TRIM44: variants seen among roughly 807,000 people sequenced by gnomAD.
TRIM44 encodes tripartite motif containing 44, also known as tripartite motif-containing protein 44.
TRIM44 carries 13 observed loss-of-function variants against 37.4 expected under a neutral mutation model. The observed-to-expected ratio is 0.35, with a 90% confidence interval of 0.23 to 0.55. The LOEUF (loss-of-function observed/expected upper bound fraction) is 0.55, where lower values mean the gene tolerates loss of function less well. Among genes scored for constraint, TRIM44 ranks in the 20% least tolerant of loss-of-function variants. The probability of loss-of-function intolerance (pLI) is 0.89; values close to 1 mark genes in which losing one functional copy is unlikely to be tolerated. For synonymous variants in TRIM44, 175 were observed against 157.2 expected (o/e 1.11, Z -0.85); for missense variants, 426 against 437.2 (o/e 0.97, Z 0.23).
rs572998806 is a variant in TRIM44 at position 35,714,589 on chromosome 11, T to C, written c.748-11335T>C. ...GTGTTGTGTTTTAATAAAATACAAA[T>C]AACTGTGGCTTTATAGGGAAACTGC... On this transcript the variant is annotated intron_variant, in intron 2 of 4. Transcript: ENST00000299413. Among the ~76,000 whole-genome samples, 9 of 152,294 alleles carry C rather than the reference T, an allele frequency of 5.9e-5. No individual in the cohort carries two copies. The South Asian group carries it at 1.9e-3, about 32-fold the overall frequency.
At chr11:35,742,467 AATATAATTATATTAATTGTATTAT>A (rs1311901332) in intron 4 of TRIM44, among the ~76,000 whole-genome samples, 4 of 135,162 alleles carry the variant, frequency 3.0e-5, no homozygotes, top group Admixed American at 2.4e-4. Flanking sequence ...AATTACAATT[AATATAATTATATTAATTGTATTAT>A]ATATAATTAT....
intron 4 of TRIM44, among the ~76,000 whole-genome samples, chr11:35,747,190 C>T (rs1002280668): frequency 1.3e-5 from 2 of 152,182 alleles, no homozygotes; most frequent in South Asian, 2.1e-4. Context: ...ACTAAGCTGC[C>T]AACTTCTCGC....
intron 3 of TRIM44, among the ~76,000 whole-genome samples, chr11:35,730,889 G>A (rs11033259): frequency 0.13 from 18,013 of 136,742 alleles, 1,391 homozygotes; most frequent in Non-Finnish European, 0.17. Flanking sequence ...GTTTGCTGTC[G>A]CCCAGGCTGG....
intron 4 of TRIM44, among the ~76,000 whole-genome samples, chr11:35,794,699 C>T (rs1434731213): frequency 6.6e-6 from 1 of 152,204 alleles, no homozygotes. Flanking sequence ...CATGAGATTC[C>T]TAGGCAGTGT....
intron 4 of TRIM44, among the ~76,000 whole-genome samples, chr11:35,763,568 T>G (rs959332183): frequency 1.3e-5 from 2 of 152,124 alleles, no homozygotes. Flanking sequence ...GAGTCCTGAG[T>G]TTGATGTGGT....
intron 3 of TRIM44, among the ~76,000 whole-genome samples, chr11:35,735,073 A>G (rs1852311692): frequency 1.3e-5 from 2 of 152,222 alleles, no homozygotes; most frequent in Non-Finnish European, 2.9e-5. Context: ...GGAACTGGCT[A>G]GCTTTTGTCT....
At chr11:35,665,395 T>C (rs1851319681) in intron 1 of TRIM44, among the ~76,000 whole-genome samples, 1 of 152,104 alleles carries the variant, frequency 6.6e-6, no homozygotes, top group Non-Finnish European at 1.5e-5. Context: ...AAACTTGCTA[T>C]TACTGTATTT....
At chr11:35,778,544 T>C (rs924361088) in intron 4 of TRIM44, among the ~76,000 whole-genome samples, 1 of 152,178 alleles carries the variant, frequency 6.6e-6, no homozygotes, top group Non-Finnish European at 1.5e-5. Flanking sequence ...GGTGCTCTAA[T>C]TTTTAGAATT....
At chr11:35,701,106 A>C (rs757217822) in intron 2 of TRIM44, among the ~76,000 whole-genome samples, 7 of 152,144 alleles carry the variant, frequency 4.6e-5, no homozygotes, top group African/African-American at 1.4e-4. Flanking sequence ...GCCTAATATA[A>C]TAAGCAGGCA....
chr11:35,776,492 T>A (rs957505702), intron 4 of TRIM44, among the ~76,000 whole-genome samples: 1 of 152,362 alleles, frequency 6.6e-6, no homozygotes, highest in Admixed American at 6.5e-5. Context: ...ATTTCTTGCC[T>A]TCTGCTAGCT....
intron 2 of TRIM44, among the ~76,000 whole-genome samples, chr11:35,722,041 C>A (rs936873673): frequency 6.6e-6 from 1 of 152,220 alleles, no homozygotes; most frequent in African/African-American, 2.4e-5. Context: ...TAACTTTGAA[C>A]TTCCCAACTT....
At position 35,663,095 on chromosome 11, in the gene TRIM44, C is replaced by T; in HGVS notation, c.-17C>T. 6.7e-7 allele frequency: 1 copy of T among 1,498,662 alleles called. No homozygotes were observed. Among genetic ancestry groups the T allele is most frequent in the Non-Finnish European group, 8.8e-7 (1 of 1,130,502 alleles). 92.8% of individuals were successfully genotyped at this position (1,498,662 alleles called of 1,614,324 possible). On this transcript the variant is annotated 5_prime_UTR_variant, in exon 1 of 5. Transcript: ENST00000299413. The stretch of plus-strand genomic sequence containing the variant: ...AGCCCCGGGGCCCCGAGGCCTTGGC[C>T]GCGTCACAGCACCCACATGGCCTCT...
intron 4 of TRIM44, among the ~76,000 whole-genome samples, chr11:35,742,590 G>T (rs1852419306): frequency 1.6e-5 from 2 of 124,446 alleles, no homozygotes; most frequent in Admixed American, 8.9e-5. Context: ...TATATTAATT[G>T]TATTATATAT....
At chr11:35,672,120 A>G (rs758361626) in intron 1 of TRIM44, among the ~76,000 whole-genome samples, 4 of 152,224 alleles carry the variant, frequency 2.6e-5, no homozygotes, top group Non-Finnish European at 4.4e-5. Flanking sequence ...ATGTTGAACA[A>G]TAAAAGTGCT....
At chr11:35,702,838 C>T (rs965211020) in intron 2 of TRIM44, among the ~76,000 whole-genome samples, 22 of 152,338 alleles carry the variant, frequency 1.4e-4, no homozygotes, top group Non-Finnish European at 2.1e-4. Context: ...ACGCAGAAGA[C>T]GGGTGATTTC....
chr11:35,697,223 C>T (rs1187498055), intron 2 of TRIM44, among the ~76,000 whole-genome samples: 1 of 121,476 alleles, frequency 8.2e-6, no homozygotes, highest in Non-Finnish European at 1.7e-5. Context: ...CTCCCCCCAC[C>T]CCACAACAGG....
At chr11:35,679,548 G>A (rs995935635) in intron 1 of TRIM44, among the ~76,000 whole-genome samples, 6 of 152,160 alleles carry the variant, frequency 3.9e-5, no homozygotes, top group Non-Finnish European at 5.9e-5. Context: ...AAGAAGAGAA[G>A]CAAGCCAAGG....
intron 1 of TRIM44, among the ~76,000 whole-genome samples, chr11:35,684,904 G>C (rs764532556): frequency 6.6e-6 from 1 of 152,088 alleles, no homozygotes; most frequent in African/African-American, 2.4e-5. Context: ...GATGCATAAA[G>C]GTTCAAAATA....
intron 3 of TRIM44, among the ~76,000 whole-genome samples, chr11:35,728,586 T>G (rs1245957104): frequency 4.6e-5 from 7 of 152,316 alleles, no homozygotes; most frequent in South Asian, 2.1e-4. Flanking sequence ...TAGCCTCTTG[T>G]TCCAGTTAAT....
Sources: allele counts gnomAD v4.1 joint callset (sites outside exome capture counted in the v4.1 genomes callset), GRCh38; gene constraint gnomAD v4.1.1; transcripts MANE v1.5; gene names NCBI Gene and HGNC (gene_info 2026-07-23, HGNC 2026-07-21).